Variants in TMEM117 observed in about 807,000 individuals in gnomAD.
The protein encoded by TMEM117 is transmembrane protein 117.
A neutral mutation model predicts 52.4 loss-of-function variants in TMEM117; 27 were observed. The observed-to-expected ratio is 0.51, with a 90% CI of 0.38 to 0.71. TMEM117 has a LOEUF of 0.71. Among genes scored for constraint, TMEM117 ranks in the 30% least tolerant of loss-of-function variants. TMEM117 has a pLI of 0.00. For synonymous variants in TMEM117, 215 were observed against 206.3 expected (o/e 1.04, Z -0.36); for missense variants, 556 against 630.5 (o/e 0.88, Z 1.26).
chr12:44,361,537 G>C (rs1951720501), intron 6 of TMEM117, among the ~76,000 whole-genome samples: 2 of 152,138 alleles, frequency 1.3e-5, no homozygotes, highest in African/African-American at 4.8e-5. Context: ...GCCTTGCACA[G>C]TTTCTGGCAC....
At position 44,289,306 on chromosome 12, in the gene TMEM117, G is replaced by C. The variant is rs183373706; in HGVS notation, c.609-10274G>C. On this transcript the variant is annotated intron_variant, in intron 5 of 7. Transcript: ENST00000266534. ...TCATTCATCCATTAATAGGTACTTAGGTTGGTTCTACATCTTGGCTGTTGT... is the reference window on the plus strand; with the variant it reads ...TCATTCATCCATTAATAGGTACTTACGTTGGTTCTACATCTTGGCTGTTGT... 1.8e-3 allele frequency among the ~76,000 whole-genome samples: 278 copies of C among 150,828 alleles called. 3 individuals carry two copies. Among genetic ancestry groups the C allele is most frequent in the African/African-American group, 6.1e-3 (251 of 41,066 alleles).
chr12:44,201,214 G>A (rs2138369449), intron 4 of TMEM117, among the ~76,000 whole-genome samples: 1 of 152,196 alleles, frequency 6.6e-6, no homozygotes, highest in South Asian at 2.1e-4. Flanking sequence ...GGTGGACTCA[G>A]GGAAGAAACA....
chr12:44,143,634 T>A lies in TMEM117; in HGVS notation c.510+10T>A, dbSNP rs761383985. 2.5e-6 allele frequency: 4 copies of A among 1,599,248 alleles called. No homozygotes were observed. The South Asian group carries it at 4.4e-5, about 18-fold the overall frequency. The stretch of plus-strand genomic sequence containing the variant: ...TGTCACAGCTTGGATGGTAAGAAAA[T>A]TTTAACTTCACCCATTTCAAACATC... On this transcript the variant is annotated intron_variant, in intron 4 of 7. Coordinates refer to ENST00000266534, the MANE Select transcript of TMEM117 (RefSeq NM_032256.3).
At chr12:44,311,480 G>A (rs1950974412) in intron 6 of TMEM117, among the ~76,000 whole-genome samples, 1 of 151,860 alleles carries the variant, frequency 6.6e-6, no homozygotes, top group South Asian at 2.1e-4. Context: ...TGAATAGGGT[G>A]GTGGGTGTAG....
At chr12:43,797,438 T>G in the TMEM117 span, 19 of 1,593,088 alleles carry the variant, frequency 1.2e-5, no homozygotes, top group Non-Finnish European at 1.6e-5. Flanking sequence ...TAATTTCATT[T>G]TTTATATCTA....
intron 3 of TMEM117, among the ~76,000 whole-genome samples, chr12:44,097,288 A>C (rs1947783139): frequency 6.6e-6 from 1 of 152,154 alleles, no homozygotes; most frequent in Non-Finnish European, 1.5e-5. Context: ...TAGTTCAACC[A>C]TTGTGGAAGT....
At chr12:44,156,886 A>G (rs1016709344) in intron 4 of TMEM117, among the ~76,000 whole-genome samples, 1 of 152,104 alleles carries the variant, frequency 6.6e-6, no homozygotes, top group Admixed American at 6.6e-5. Flanking sequence ...AGTTAAGTCT[A>G]GAACTTGCTG....
chr12:44,105,685 A>G (rs1218817399), intron 3 of TMEM117, among the ~76,000 whole-genome samples: 1 of 151,802 alleles, frequency 6.6e-6, no homozygotes, highest in Non-Finnish European at 1.5e-5. Context: ...TCCTTCACCA[A>G]CCTCCTGGCC....
intron 3 of TMEM117, among the ~76,000 whole-genome samples, chr12:44,019,939 G>T (rs1410600334): frequency 1.3e-5 from 2 of 152,048 alleles, no homozygotes; most frequent in Admixed American, 1.3e-4. Flanking sequence ...AGGTCTGTTT[G>T]TTCATATTTT....
chr12:44,168,185 G>A (rs1184430507), intron 4 of TMEM117, among the ~76,000 whole-genome samples: 9 of 151,994 alleles, frequency 5.9e-5, no homozygotes, highest in Admixed American at 2.6e-4. Flanking sequence ...CCCGGGAGGC[G>A]GAGGTTGCAG....
At chr12:43,812,072 A>G in the TMEM117 span, among the ~76,000 whole-genome samples, 2 of 152,150 alleles carry the variant, frequency 1.3e-5, no homozygotes, top group Non-Finnish European at 2.9e-5. Flanking sequence ...AAAAGTATTC[A>G]CCATCTGCAA....
At chr12:43,924,270 A>G (rs1181261550) in intron 2 of TMEM117, among the ~76,000 whole-genome samples, 1 of 152,202 alleles carries the variant, frequency 6.6e-6, no homozygotes, top group Non-Finnish European at 1.5e-5. Context: ...ATTCTTAAAG[A>G]TGAAAGAACC....
chr12:44,101,200 AATATGTTGAAC>A lies in TMEM117; in HGVS notation c.411-42310_411-42300del, dbSNP rs560370469. Among the ~76,000 whole-genome samples the A allele has an allele frequency of 3.1e-3, 465 of 151,364 alleles. 1 individual carries two copies. The highest frequency in any genetic ancestry group is 0.011 in the African/African-American group (437 of 41,128). On this transcript the variant is annotated intron_variant, in intron 3 of 7. Coordinates refer to ENST00000266534, the MANE Select transcript of TMEM117 (RefSeq NM_032256.3). ...ATTAGAGATTAGGTTTCAACTTATG[AATATGTTGAAC>A]ATATGTTGAACATACGCTTAATACA...
intron 3 of TMEM117, among the ~76,000 whole-genome samples, chr12:44,134,322 A>G (rs1156722793): frequency 2.6e-5 from 4 of 152,080 alleles, no homozygotes; most frequent in Non-Finnish European, 4.4e-5. Context: ...GGCTCAAGCA[A>G]TCCTCCTAGC....
intron 3 of TMEM117, among the ~76,000 whole-genome samples, chr12:43,955,306 G>GAGAA (rs544835169): frequency 6.6e-6 from 1 of 152,150 alleles, no homozygotes; most frequent in African/African-American, 2.4e-5. Flanking sequence ...AATCAAGCAA[G>GAGAA]AGAAAGAAAG....
intron 3 of TMEM117, among the ~76,000 whole-genome samples, chr12:44,001,657 C>T (rs1194100742): frequency 1.3e-5 from 2 of 151,404 alleles, no homozygotes; most frequent in African/African-American, 4.9e-5. Flanking sequence ...AAATTCACAG[C>T]CTGGTTCAGC....
chr12:43,830,191 G>T, the TMEM117 span, among the ~76,000 whole-genome samples: 1 of 151,694 alleles, frequency 6.6e-6, no homozygotes, highest in African/African-American at 2.4e-5. Flanking sequence ...CATTTATATA[G>T]ATTCTGCAGG....
At chr12:44,061,332 C>T (rs943932546) in intron 3 of TMEM117, among the ~76,000 whole-genome samples, 1 of 152,086 alleles carries the variant, frequency 6.6e-6, no homozygotes, top group East Asian at 1.9e-4. Flanking sequence ...ATGGGAAGAA[C>T]ATTTCTGAGA....
chr12:44,378,657 T>C (rs1951976185), intron 7 of TMEM117, among the ~76,000 whole-genome samples: 1 of 152,176 alleles, frequency 6.6e-6, no homozygotes, highest in Non-Finnish European at 1.5e-5. Context: ...ATTAATCTGG[T>C]TTGCCCGAAG....
Sources: allele counts gnomAD v4.1 joint callset (sites outside exome capture counted in the v4.1 genomes callset), GRCh38; gene constraint gnomAD v4.1.1; transcripts MANE v1.5; gene names NCBI Gene and HGNC (gene_info 2026-07-23, HGNC 2026-07-21).